PLCG1: variants seen among roughly 807,000 people sequenced by gnomAD.
PLCG1 encodes phospholipase C gamma 1.
A neutral mutation model predicts 177.8 loss-of-function variants in PLCG1; 71 were observed. The ratio of observed to expected loss-of-function variants is 0.40; its 90% confidence interval spans 0.33 to 0.49. The LOEUF (loss-of-function observed/expected upper bound fraction) is 0.49. Ranked by LOEUF, PLCG1 falls within the 20% of genes least tolerant of loss-of-function variation. The pLI is 0.72. For missense variants in PLCG1, 1,281 were observed against 1,709.0 expected, an observed-to-expected ratio of 0.75 and a Z score of 4.42; for synonymous variants, 658 against 647.9, an observed-to-expected ratio of 1.02 and a Z score of -0.24.
Position 41,162,548 on chromosome 20 carries a change from C to G in PLCG1, c.597+12C>G. The G allele has an allele frequency of 6.2e-7, 1 of 1,613,182 alleles. No homozygotes were observed. Among genetic ancestry groups the G allele is most frequent in the Non-Finnish European group, 8.5e-7 (1 of 1,179,308 alleles). On this transcript the variant is annotated intron_variant, in intron 5 of 31. Transcript: ENST00000685551. ...GAGAGCGGCTGACGGTAAGTGCCACCCAGGGCTGTCTGTAGATGGGGGCAG... is the reference window on the plus strand; with the variant it reads ...GAGAGCGGCTGACGGTAAGTGCCACGCAGGGCTGTCTGTAGATGGGGGCAG...
At position 41,163,342 on chromosome 20, in the gene PLCG1, G is replaced by A; in HGVS notation, c.790-36G>A. On this transcript the variant is annotated intron_variant, in intron 8 of 31. Coordinates refer to ENST00000685551, the MANE Select transcript of PLCG1 (RefSeq NM_002660.3). The surrounding 1 kb of genome is among the most constrained non-coding windows in gnomAD (Gnocchi z 5.2). The stretch of plus-strand genomic sequence containing the variant: ...GGGGCTGGGCTCATCCCTGACTGGA[G>A]GCTTCTCTCATCCCCTGCCCTCCCT... 2 of 1,602,860 alleles carry A rather than the reference G, an allele frequency of 1.2e-6. No individual in the cohort carries two copies. The highest frequency in any genetic ancestry group is 1.3e-5 in the African/African-American group (1 of 74,720).
chr20:41,173,331 C>T lies in PLCG1; in HGVS notation c.3280-89C>T. The T allele has an allele frequency of 7.3e-7, 1 of 1,378,012 alleles. No homozygotes were observed. The highest frequency in any genetic ancestry group is 9.7e-7 in the Non-Finnish European group (1 of 1,029,640). The allele number at this position is 1,378,012 out of a possible 1,614,324, so 85.4% of individuals were successfully genotyped here. A position where few individuals can be genotyped will look rare whatever the true frequency, so the allele number is the denominator to read the frequency against. On this transcript the variant is annotated intron_variant, in intron 27 of 31. Coordinates refer to ENST00000685551, the MANE Select transcript of PLCG1 (RefSeq NM_002660.3). The surrounding 1 kb of genome is among the most constrained non-coding windows in gnomAD (Gnocchi z 6.2). ...GGGCCCAGCAGAGGGCGCGCTGCCT[C>T]CACTCCACAGATGCTGACTGAGCCT...
chr20:41,141,341 C>T (rs1020971628), intron 1 of PLCG1, among the ~76,000 whole-genome samples: 9 of 152,238 alleles, frequency 5.9e-5, no homozygotes, highest in African/African-American at 2.2e-4. Context: ...GAAATGAAAA[C>T]AGGCAATGAC....
chr20:41,174,008 C>G lies in PLCG1; in HGVS notation c.3642C>G (p.Ala1214=), dbSNP rs530182281. The part of the protein sequence containing the change: ...SLLIKIDIFP[A]KQENGDLSPF... ...TGATCAAGATTGACATTTTCCCTGC[C>G]AAGGTATCTGCAGCAGGGGTGGGCT... Residue 1214 remains alanine (A), a synonymous_variant, in exon 30 of 32, where the codon GCC becomes GCG. Coordinates refer to ENST00000685551, the MANE Select transcript of PLCG1 (RefSeq NM_002660.3). This position sits in a 1 kb window ranked among gnomAD's most constrained non-coding sequence, Gnocchi z 5.8. The G allele has an allele frequency of 1.9e-6, 3 of 1,613,376 alleles. No homozygotes were observed. Among genetic ancestry groups the G allele is most frequent in the Admixed American group, 3.3e-5 (2 of 60,034 alleles).
chr20:41,147,632 C>A lies in PLCG1; in HGVS notation c.217+9774C>A, dbSNP rs1432599234. Among the ~76,000 whole-genome samples, 1 of 152,100 alleles carries A rather than the reference C, an allele frequency of 6.6e-6. No homozygotes were observed. The highest frequency in any genetic ancestry group is 2.4e-5 in the African/African-American group (1 of 41,402). The stretch of plus-strand genomic sequence containing the variant: ...TTGGGAGGCCAAGGTAGGGGGATCA[C>A]GAGGTCAGGAGTTCAAGACCAGCCT... On this transcript the variant is annotated intron_variant, in intron 1 of 31. Transcript: ENST00000685551. The surrounding 1 kb of genome is among the most constrained non-coding windows in gnomAD (Gnocchi z 4.0).
chr20:41,163,017 G>C lies in PLCG1; in HGVS notation c.716+25G>C. The C allele has an allele frequency of 1.2e-6, 2 of 1,611,378 alleles. No individual in the cohort carries two copies. The highest frequency in any genetic ancestry group is 1.1e-5 in the South Asian group (1 of 91,030). On this transcript the variant is annotated intron_variant, in intron 7 of 31. Coordinates refer to ENST00000685551, the MANE Select transcript of PLCG1 (RefSeq NM_002660.3). The surrounding 1 kb of genome is among the most constrained non-coding windows in gnomAD (Gnocchi z 5.2). ...GGTTTGGTTTGGAGTGGGGAGGTGG[G>C]GTTTTCCCTGGGCCCCCTTCATCTC...
At position 41,137,931 on chromosome 20, in the gene PLCG1, C is replaced by T. The variant is rs1480980668; in HGVS notation, c.217+73C>T. ...GGGAGCCCGGCCCGACTGCTTGCACCCCGGCCGGCCGCCCCAGCGACTTGG... is the reference window on the plus strand; with the variant it reads ...GGGAGCCCGGCCCGACTGCTTGCACTCCGGCCGGCCGCCCCAGCGACTTGG... On this transcript the variant is annotated intron_variant, in intron 1 of 31. Transcript: ENST00000685551. This position sits in a 1 kb window ranked among gnomAD's most constrained non-coding sequence, Gnocchi z 7.3. The T allele has an allele frequency of 9.5e-7, 1 of 1,054,502 alleles. No individual in the cohort carries two copies. Among genetic ancestry groups the T allele is most frequent in the Non-Finnish European group, 1.2e-6 (1 of 815,144 alleles). The allele number at this position is 1,054,502 out of a possible 1,614,324, so 65.3% of individuals were successfully genotyped here.
intron 1 of PLCG1, among the ~76,000 whole-genome samples, chr20:41,155,246 C>T (rs1376690253): frequency 2.6e-5 from 4 of 152,324 alleles, no homozygotes; most frequent in Middle Eastern, 3.4e-3. Flanking sequence ...AAAAACAAAA[C>T]ACACATGAAT....
chr20:41,172,870 C>T lies in PLCG1; in HGVS notation c.3272C>T (p.Ser1091Phe), dbSNP rs571302327. Residue 1091 changes from serine to phenylalanine, a missense_variant, in exon 27 of 32, where the codon TCT becomes TTT. Ser to Phe is a radical substitution (Grantham distance 155). Around this residue, in one of 4 missense-constraint regions of PLCG1, gnomAD observed 723 missense variants for 1,030.0 expected, o/e 0.70. Transcript: ENST00000685551. The surrounding 1 kb of genome is among the most constrained non-coding windows in gnomAD (Gnocchi z 7.0). ...CGCGGGCTGGAGCCATGTGCCATCTCTATTGAGGTGGGTGCTGCTCATCTG... is the reference window on the plus strand; with the variant it reads ...CGCGGGCTGGAGCCATGTGCCATCTTTATTGAGGTGGGTGCTGCTCATCTG... ...SLRGLEPCAI[S>F]IEVLGARHLP... 1.2e-6 allele frequency: 2 copies of T among 1,613,954 alleles called. No homozygotes were observed. Among genetic ancestry groups the T allele is most frequent in the African/African-American group, 2.7e-5 (2 of 75,022 alleles).
At position 41,137,823 on chromosome 20, in the gene PLCG1, C is replaced by T. The variant is rs771991124; in HGVS notation, c.182C>T (p.Thr61Met). The T allele has an allele frequency of 1.5e-4, 192 of 1,298,562 alleles. No homozygotes were observed. In the East Asian group the frequency reaches 5.6e-3, roughly 38 times the overall value. 80.4% of individuals were successfully genotyped at this position (1,298,562 alleles called of 1,614,324 possible). Residue 61 changes from threonine (T) to methionine (M), a missense_variant, in exon 1 of 32, where the codon ACG (threonine) becomes ATG (methionine). Thr to Met is a moderately conservative substitution (Grantham distance 81). Transcript: ENST00000685551. The surrounding 1 kb of genome is among the most constrained non-coding windows in gnomAD (Gnocchi z 7.3). Reference sequence around the variant, plus strand: ...GTCAAGCTGGAGACGCGCCAGATCACGTGGAGCCGGGGCGCCGACAAGATC... The same window carrying T: ...GTCAAGCTGGAGACGCGCCAGATCATGTGGAGCCGGGGCGCCGACAAGATC... ...FQVKLETRQI[T>M]WSRGADKIEG...
intron 1 of PLCG1, among the ~76,000 whole-genome samples, chr20:41,142,716 G>A (rs1448649935): frequency 6.6e-6 from 1 of 152,166 alleles, no homozygotes; most frequent in Non-Finnish European, 1.5e-5. Flanking sequence ...TCTCTGGGCT[G>A]CTTATCTGTA....
intron 6 of PLCG1, 27 bp from the exon 7 acceptor site, chr20:41,162,931 G>A (rs1222937433): frequency 6.8e-6 from 11 of 1,612,222 alleles, no homozygotes; most frequent in Non-Finnish European, 9.3e-6. Flanking sequence ...CAGGGGTCTT[G>A]CCCTGACCAG....
rs1442265064 is a variant in PLCG1 at position 41,147,924 on chromosome 20, G to A, written c.217+10066G>A. Among the ~76,000 whole-genome samples, 4 of 152,118 alleles carry A rather than the reference G, an allele frequency of 2.6e-5. No homozygotes were observed. Among genetic ancestry groups the A allele is most frequent in the African/African-American group, 9.7e-5 (4 of 41,420 alleles). ...AATGAGATCCCTGGCACCTTGGAGT[G>A]AGATCAGAGTCTAGATCACTCACTG... is the stretch of plus-strand genomic sequence containing the variant. On this transcript the variant is annotated intron_variant, in intron 1 of 31. Coordinates refer to ENST00000685551, the MANE Select transcript of PLCG1 (RefSeq NM_002660.3). This position sits in a 1 kb window ranked among gnomAD's most constrained non-coding sequence, Gnocchi z 4.0.
rs2035613551 is a variant in PLCG1, at chr20:41,164,392, G to T, written c.1217+191G>T. 6.6e-6 allele frequency among the ~76,000 whole-genome samples: 1 copy of T among 151,958 alleles called. No homozygotes were observed. The highest frequency in any genetic ancestry group is 2.4e-5 in the African/African-American group (1 of 41,370). ...TGTTGCTTCCCAAGTTACACTTTCT[G>T]TTTCCTACGTGTTGGGCCCACTCTC... On this transcript the variant is annotated intron_variant, in intron 12 of 31. Transcript: ENST00000685551. This position sits in a 1 kb window ranked among gnomAD's most constrained non-coding sequence, Gnocchi z 6.4.
chr20:41,141,427 G>A (rs768365036), intron 1 of PLCG1, among the ~76,000 whole-genome samples: 7 of 152,262 alleles, frequency 4.6e-5, no homozygotes, highest in Non-Finnish European at 8.8e-5. Context: ...TGAGGCAGGC[G>A]GGCTCAGAAG....
rs1014246337 is a variant in PLCG1, at chr20:41,173,148, CTG to C, written c.3280-268_3280-267del. Among the ~76,000 whole-genome samples, 5 of 152,044 alleles carry C rather than the reference CTG, an allele frequency of 3.3e-5. No homozygotes were observed. Among genetic ancestry groups the C allele is most frequent in the Non-Finnish European group, 5.9e-5 (4 of 68,018 alleles). On this transcript the variant is annotated intron_variant, in intron 27 of 31. Coordinates refer to ENST00000685551, the MANE Select transcript of PLCG1 (RefSeq NM_002660.3). The surrounding 1 kb of genome is among the most constrained non-coding windows in gnomAD (Gnocchi z 6.2). ...TAAGGGGAGGTCATTTAAAAGATTT[CTG>C]TGTTAAAATAGTAATGGATTTAACA...
In PLCG1 at chr20:41,177,471, ACACT is replaced by A. The variant is rs777314497; in HGVS notation, c.*2967_*2970del. 4 of 152,224 alleles carry A rather than the reference ACACT, an allele frequency of 2.6e-5. No homozygotes were observed. The highest frequency in any genetic ancestry group is 6.5e-5 in the Admixed American group (1 of 15,282). The allele number at this position is 152,224 out of a possible 1,614,324, so 9.4% of individuals were successfully genotyped here. On this transcript the variant is annotated 3_prime_UTR_variant, in exon 32 of 32. Transcript: ENST00000685551. ...AGCTTGAACATCACTAAGGACCTAGACACTCACTTGTCTTTCAACTTGAGCCCAT... is the reference window on the plus strand; with the variant it reads ...AGCTTGAACATCACTAAGGACCTAGACACTTGTCTTTCAACTTGAGCCCAT...
Position 41,166,181 on chromosome 20 carries a change from G to A in PLCG1, c.1800-13G>A. The A allele has an allele frequency of 6.2e-7, 1 of 1,610,116 alleles. No individual in the cohort carries two copies. Among genetic ancestry groups the A allele is most frequent in the Non-Finnish European group, 8.5e-7 (1 of 1,178,824 alleles). ...TGTTTTCCCCAGCCTCCCTCACTCT[G>A]TGTCTTCCACAGGCGGAACGGGAAA... On this transcript the variant is annotated splice_polypyrimidine_tract_variant and intron_variant, in intron 16 of 31. Transcript: ENST00000685551. The surrounding 1 kb of genome is among the most constrained non-coding windows in gnomAD (Gnocchi z 8.6).
chr20:41,145,828 T>A (rs1468614618), intron 1 of PLCG1, among the ~76,000 whole-genome samples: 1 of 151,936 alleles, frequency 6.6e-6, no homozygotes, highest in Non-Finnish European at 1.5e-5. Flanking sequence ...ACTTGGAGAG[T>A]CTCTACTTGC....
Sources: gnomAD v4.1 joint callset for allele counts (sites outside exome capture counted in the v4.1 genomes callset) on GRCh38, gnomAD v4.1.1 for gene constraint, gnomAD v4.1.1 regional missense constraint, Gnocchi (gnomAD v3.1) non-coding constraint, MANE v1.5 for transcripts, NCBI Gene and HGNC (gene_info 2026-07-23, HGNC 2026-07-21) for gene names.